Variants in CELF2 observed in about 807,000 individuals in gnomAD.
The protein encoded by CELF2 is CUG triplet repeat RNA-binding protein 2.
A neutral mutation model predicts 62.6 loss-of-function variants in CELF2; 8 were observed. The ratio of observed to expected loss-of-function variants is 0.13; its 90% CI spans 0.07 to 0.23. The LOEUF is 0.23. Ranked by LOEUF, CELF2 falls within the 10% of genes least tolerant of loss-of-function variation. The pLI, the probability that CELF2 is intolerant of heterozygous loss-of-function variation, is 1.00. For missense variants in CELF2, 333 were observed against 671.0 expected (o/e 0.50, Z 5.56); for synonymous variants, 258 against 250.0 (o/e 1.03, Z -0.30).
Position 11,305,728 on chromosome 10 carries a change from C to T in CELF2, c.977-8411C>T, listed in dbSNP as rs1305114956. 6.6e-6 allele frequency among the ~76,000 whole-genome samples: 1 copy of T among 152,178 alleles called. No homozygotes were observed. Among genetic ancestry groups the T allele is most frequent in the Non-Finnish European group, 1.5e-5 (1 of 68,036 alleles). On this transcript the variant is annotated intron_variant, in intron 9 of 12. Transcript: ENST00000633077. This position sits in a 1 kb window ranked among gnomAD's most constrained non-coding sequence, Gnocchi z 4.8. ...TGTAGTGTTCATCCCAGACCTAGCA[C>T]AGCTCTAAGGAGAAGGAACCCATCC... is the stretch of plus-strand genomic sequence containing the variant.
At chr10:11,320,702 G>A (rs1375555020) in intron 10 of CELF2, among the ~76,000 whole-genome samples, 2 of 152,026 alleles carry the variant, frequency 1.3e-5, no homozygotes, top group African/African-American at 4.8e-5. Flanking sequence ...CTCATCACAC[G>A]GCCTAAGGGA....
At chr10:10,797,394 GAA>G (rs76696057), upstream of CELF2, among the ~76,000 whole-genome samples, 4 of 136,722 alleles carry the variant, frequency 2.9e-5, no homozygotes, top group Admixed American at 7.3e-5. Context: ...GCAACAAAGA[GAA>G]AAAAAAAAAA....
the CELF2 span, among the ~76,000 whole-genome samples, chr10:10,665,528 G>A: frequency 1.1e-4 from 17 of 152,150 alleles, no homozygotes; most frequent in Non-Finnish European, 8.8e-5. Flanking sequence ...TCAGAGACTC[G>A]TTGTCCACCC....
At chr10:10,759,317 T>C in the CELF2 span, among the ~76,000 whole-genome samples, 4 of 145,446 alleles carry the variant, frequency 2.8e-5, no homozygotes, top group African/African-American at 1.0e-4. Flanking sequence ...TTTTTTTTTT[T>C]TTTTTTTTTG....
At chr10:10,833,199 C>G (rs1264036605) in intron 1 of CELF2, among the ~76,000 whole-genome samples, 1 of 152,192 alleles carries the variant, frequency 6.6e-6, no homozygotes, top group Non-Finnish European at 1.5e-5. Context: ...CTCCAAAGAG[C>G]TTTAAGCCCT....
chr10:10,582,728 C>G, the CELF2 span, among the ~76,000 whole-genome samples: 1 of 152,044 alleles, frequency 6.6e-6, no homozygotes, highest in Non-Finnish European at 1.5e-5. Flanking sequence ...GTGTTTTTCC[C>G]TAAAAGCGTA....
chr10:10,579,985 T>C, the CELF2 span, among the ~76,000 whole-genome samples: 2 of 151,996 alleles, frequency 1.3e-5, 1 homozygote, highest in South Asian at 4.2e-4. Flanking sequence ...GAGTGTGAGA[T>C]CTGGACTGAT....
At chr10:10,682,887 G>C in the CELF2 span, among the ~76,000 whole-genome samples, 1 of 152,078 alleles carries the variant, frequency 6.6e-6, no homozygotes, top group Non-Finnish European at 1.5e-5. Flanking sequence ...TTCTGAAACT[G>C]AATTCTATGG....
At position 10,821,533 on chromosome 10, in the gene CELF2, G is replaced by A. The variant is rs145997795; in HGVS notation, c.53+22716G>A. On this transcript the variant is annotated intron_variant, in intron 1 of 13. Coordinates refer to the CELF2 transcript ENST00000636488. ...AAGTCCTTCTTGTCTTCCTGCTTCC[G>A]CCTGACTTGAGGCCTCCATCATTCT... is the stretch of plus-strand genomic sequence containing the variant. Among the ~76,000 whole-genome samples, 9 of 152,240 alleles carry A rather than the reference G, an allele frequency of 5.9e-5. No individual in the cohort carries two copies. The East Asian group carries it at 1.4e-3, about 23-fold the overall frequency.
chr10:10,779,656 T>C, the CELF2 span, among the ~76,000 whole-genome samples: 4 of 152,324 alleles, frequency 2.6e-5, no homozygotes, highest in East Asian at 7.7e-4. Context: ...TGAGGAGATA[T>C]TATTTTAAGG....
rs1324410553 is a variant in CELF2, at chr10:11,331,510, GTACT to G, written c.*2459_*2462del. The stretch of plus-strand genomic sequence containing the variant: ...AAATATATAGTGCCAAATTCCAAAG[GTACT>G]TCCTTCCTAGAGCTTCAGTGTGTTT... On this transcript the variant is annotated 3_prime_UTR_variant, in exon 13 of 13. Coordinates refer to ENST00000633077, the MANE Select transcript of CELF2 (RefSeq NM_001326342.2). 6.6e-6 allele frequency: 1 copy of G among 151,260 alleles called. No individual in the cohort carries two copies. The highest frequency in any genetic ancestry group is 1.5e-5 in the Non-Finnish European group (1 of 67,804). The allele number at this position is 151,260 out of a possible 1,614,324, so 9.4% of individuals were successfully genotyped here.
chr10:10,819,127 A>G (rs185176554), intron 1 of CELF2, among the ~76,000 whole-genome samples: 2 of 152,296 alleles, frequency 1.3e-5, no homozygotes, highest in African/African-American at 4.8e-5. Context: ...TCTCATCTCT[A>G]ACATGGGAAT....
the CELF2 span, among the ~76,000 whole-genome samples, chr10:10,777,482 A>G: frequency 6.6e-6 from 1 of 151,960 alleles, no homozygotes. Flanking sequence ...CTTCATCCTC[A>G]ACATCCCATC....
chr10:11,037,352 G>A (rs2061128505), intron 1 of CELF2, among the ~76,000 whole-genome samples: 1 of 152,202 alleles, frequency 6.6e-6, no homozygotes, highest in African/African-American at 2.4e-5. Context: ...GACATGTGGG[G>A]GTCATTACAA....
chr10:11,149,277 G>A (rs2062856933), intron 1 of CELF2, among the ~76,000 whole-genome samples: 1 of 152,132 alleles, frequency 6.6e-6, no homozygotes, highest in African/African-American at 2.4e-5. Flanking sequence ...TGCCATGTTG[G>A]CCAGACCGGT....
At chr10:11,277,785 G>C (rs1055624944) in intron 8 of CELF2, among the ~76,000 whole-genome samples, 4 of 152,106 alleles carry the variant, frequency 2.6e-5, no homozygotes, top group Admixed American at 1.3e-4. Context: ...AAACCCGAGA[G>C]GTTATTTATC....
intron 1 of CELF2, among the ~76,000 whole-genome samples, chr10:11,032,146 CAAAAAAAAAAA>C (rs56364371): frequency 2.3e-5 from 2 of 86,394 alleles, no homozygotes; most frequent in South Asian, 3.5e-4. Context: ...AGGGCTTAGC[CAAAAAAAAAAA>C]AAAAAAAAAA....
At chr10:10,705,072 G>A in the CELF2 span, among the ~76,000 whole-genome samples, 1 of 152,004 alleles carries the variant, frequency 6.6e-6, no homozygotes, top group African/African-American at 2.4e-5. Context: ...TGTAATCCTG[G>A]CTACTCAGGA....
At chr10:11,256,245 G>C (rs1388203684) in intron 4 of CELF2, among the ~76,000 whole-genome samples, 1 of 152,174 alleles carries the variant, frequency 6.6e-6, no homozygotes, top group Non-Finnish European at 1.5e-5. Context: ...GCCACATGTG[G>C]CTTTAGTTTC....
Sources: allele counts gnomAD v4.1 joint callset (sites outside exome capture counted in the v4.1 genomes callset), GRCh38; gene constraint gnomAD v4.1.1; non-coding constraint Gnocchi (gnomAD v3.1); transcripts MANE v1.5; gene names NCBI Gene and HGNC (gene_info 2026-07-23, HGNC 2026-07-21).